JARID2: variants seen among roughly 807,000 people sequenced by gnomAD.
JARID2 encodes the protein jumonji and AT-rich interaction domain containing 2, also known as protein Jumonji.
In JARID2, 21 loss-of-function variants were observed where a neutral mutation model predicts 125.6. The ratio of observed to expected loss-of-function variants is 0.17; its 90% confidence interval spans 0.12 to 0.24. The LOEUF is 0.24. Ranked by LOEUF, JARID2 falls within the 10% of genes least tolerant of loss-of-function variation. The pLI is 1.00. For synonymous variants in JARID2, 736 were observed against 661.6 expected (o/e 1.11, Z -1.73); for missense variants, 1,303 against 1,639.6 (o/e 0.79, Z 3.55).
intron 3 of JARID2, among the ~76,000 whole-genome samples, chr6:15,429,803 A>G (rs10949301): frequency 0.12 from 18,269 of 152,142 alleles, 1,205 homozygotes; most frequent in Non-Finnish European, 0.14. Context: ...AGAGAAATGT[A>G]CACACACGTT....
chr6:15,309,312 T>G (rs1332580635), intron 1 of JARID2, among the ~76,000 whole-genome samples: 2 of 152,246 alleles, frequency 1.3e-5, no homozygotes, highest in East Asian at 3.9e-4. Context: ...TGTTAGTGTC[T>G]TTAAAAATCG....
intron 3 of JARID2, among the ~76,000 whole-genome samples, chr6:15,411,460 T>G (rs1765872479): frequency 6.6e-6 from 1 of 152,232 alleles, no homozygotes; most frequent in Non-Finnish European, 1.5e-5. Context: ...CTTCTCTCAT[T>G]TTCTCTTCAT....
chr6:15,373,851 C>A (rs985460866), intron 1 of JARID2, among the ~76,000 whole-genome samples: 1 of 152,082 alleles, frequency 6.6e-6, no homozygotes, highest in Non-Finnish European at 1.5e-5. Context: ...AGTTGATGAA[C>A]GTATTTGATT....
intron 1 of JARID2, among the ~76,000 whole-genome samples, chr6:15,287,587 A>G (rs1400625764): frequency 1.3e-5 from 2 of 152,198 alleles, no homozygotes; most frequent in Admixed American, 6.5e-5. Flanking sequence ...TTTCAGCAAG[A>G]GATTGGTGAA....
chr6:15,387,392 T>TA (rs1581488982), intron 2 of JARID2, among the ~76,000 whole-genome samples: 1 of 152,220 alleles, frequency 6.6e-6, no homozygotes, highest in East Asian at 1.9e-4. Flanking sequence ...CTGGTGTCTG[T>TA]AAGTCCAAGA....
chr6:15,260,310 G>T (rs987923730), intron 1 of JARID2, among the ~76,000 whole-genome samples: 2 of 152,130 alleles, frequency 1.3e-5, no homozygotes, highest in African/African-American at 4.8e-5. Context: ...TCAGTGTTCT[G>T]TGTCTTTAAA....
intron 1 of JARID2, among the ~76,000 whole-genome samples, chr6:15,294,295 C>G (rs949993365): frequency 6.6e-6 from 1 of 152,084 alleles, no homozygotes; most frequent in Non-Finnish European, 1.5e-5. Flanking sequence ...CGGGTTCAAG[C>G]GATTCTTCTG....
chr6:15,361,211 G>A (rs1471991282), intron 1 of JARID2, among the ~76,000 whole-genome samples: 4 of 152,146 alleles, frequency 2.6e-5, no homozygotes, highest in Non-Finnish European at 5.9e-5. Context: ...AAATGTTCCA[G>A]AATTTAACCA....
intron 4 of JARID2, among the ~76,000 whole-genome samples, chr6:15,461,714 C>T (rs1163965233): frequency 2.0e-5 from 3 of 152,160 alleles, no homozygotes; most frequent in Non-Finnish European, 4.4e-5. Context: ...GTGAGTCACT[C>T]AGCTTGCTTT....
chr6:15,418,670 T>G (rs2127583397), intron 3 of JARID2, among the ~76,000 whole-genome samples: 1 of 152,326 alleles, frequency 6.6e-6, no homozygotes, highest in South Asian at 2.1e-4. Context: ...TGTATTTTAG[T>G]TAGGCTTTCG....
chr6:15,317,280 GTCAGTTTTT>G (rs1762210674), intron 1 of JARID2, among the ~76,000 whole-genome samples: 1 of 152,086 alleles, frequency 6.6e-6, no homozygotes, highest in Non-Finnish European at 1.5e-5. Context: ...ATATTAACAT[GTCAGTTTTT>G]TCTGTTTTGC....
chr6:15,331,118 C>A (rs1032598462), intron 1 of JARID2, among the ~76,000 whole-genome samples: 1 of 152,056 alleles, frequency 6.6e-6, no homozygotes, highest in African/African-American at 2.4e-5. Context: ...GCAGTTCGAT[C>A]ACTTGAGCCC....
At chr6:15,352,259 A>G (rs1270451923) in intron 1 of JARID2, among the ~76,000 whole-genome samples, 1 of 152,132 alleles carries the variant, frequency 6.6e-6, no homozygotes, top group Non-Finnish European at 1.5e-5. Flanking sequence ...TTCCTGAAAG[A>G]CTATAATTTT....
At position 15,496,659 on chromosome 6, in the gene JARID2, A is replaced by C; in HGVS notation, c.1434A>C (p.Arg478Ser). 6.2e-7 allele frequency: 1 copy of C among 1,612,540 alleles called. No homozygotes were observed. The highest frequency in any genetic ancestry group is 8.5e-7 in the Non-Finnish European group (1 of 1,179,826). The change falls in exon 7 of 18, where the codon AGA (arginine) becomes AGC (serine). Residue 478 changes from arginine to serine, a missense_variant. Arg to Ser is a moderately radical substitution (Grantham distance 110, BLOSUM62 -1). Transcript: ENST00000341776. ...EGPGKKAPAE[R>S]GLLNGHVKKE... ...CTGGCAAGAAGGCCCCGGCCGAGAG[A>C]GGTCTGCTGAACGGACACGTGAAGA...
At chr6:15,319,842 T>G (rs778417667) in intron 1 of JARID2, among the ~76,000 whole-genome samples, 12 of 152,228 alleles carry the variant, frequency 7.9e-5, no homozygotes, top group Non-Finnish European at 1.3e-4. Context: ...TGGGTACTTC[T>G]TAAACAAATT....
At chr6:15,386,736 G>A (rs1233087438) in intron 2 of JARID2, among the ~76,000 whole-genome samples, 5 of 152,242 alleles carry the variant, frequency 3.3e-5, no homozygotes, top group Non-Finnish European at 5.9e-5. Flanking sequence ...AGAATGTGCC[G>A]AATGTCTGAG....
intron 1 of JARID2, among the ~76,000 whole-genome samples, chr6:15,320,883 T>TGTGTGTGTG (rs773153042): frequency 2.4e-3 from 358 of 151,222 alleles, no homozygotes; most frequent in East Asian, 7.2e-3. Flanking sequence ...TGTGTGTGTG[T>TGTGTGTGTG]TAGTTAAACT....
rs746284867 is a variant in JARID2, at chr6:15,487,320, C to T, written c.684C>T (p.Ser228=). The change falls in exon 6 of 18, where the codon TCC becomes TCT. Residue 228 remains serine (S), a synonymous_variant. Transcript: ENST00000341776. ...CTTCCTTTCTAGTTTTCAATGGTTC[C>T]AGCAGGTCAACACGGGAGAAGGAAC... ...HVHNGHVFNG[S]SRSTREKEPV... 5.0e-6 allele frequency: 8 copies of T among 1,613,992 alleles called. No homozygotes were observed. The highest frequency in any genetic ancestry group is 2.2e-5 in the South Asian group (2 of 91,070).
chr6:15,350,824 G>A lies in JARID2; in HGVS notation c.46-23293G>A, dbSNP rs535842321. Among the ~76,000 whole-genome samples, 3 of 151,278 alleles carry A rather than the reference G, an allele frequency of 2.0e-5. No homozygotes were observed. The East Asian group carries it at 5.8e-4, about 29-fold the overall frequency. On this transcript the variant is annotated intron_variant, in intron 1 of 17. Coordinates refer to ENST00000341776, the MANE Select transcript of JARID2 (RefSeq NM_004973.4). ...TTTAGTGAAATATTTGGTGTGGGAG[G>A]AATGACCAAAATTTCACTTTTGATT...
Sources: gnomAD v4.1 joint callset for allele counts (sites outside exome capture counted in the v4.1 genomes callset) on GRCh38, gnomAD v4.1.1 for gene constraint, MANE v1.5 for transcripts, NCBI Gene and HGNC (gene_info 2026-07-23, HGNC 2026-07-21) for gene names.